The following ITSN1 variants were observed in gnomAD, a reference collection of about 807,000 sequenced individuals.
ITSN1 encodes intersectin-1.
ITSN1 carries 58 observed loss-of-function variants against 239.8 expected under a neutral mutation model. The ratio of observed to expected loss-of-function variants is 0.24; its 90% CI spans 0.20 to 0.30. The LOEUF is 0.30. Ranked by LOEUF, ITSN1 falls within the 10% of genes least tolerant of loss-of-function variation. ITSN1 has a pLI of 1.00. For synonymous variants in ITSN1, 780 were observed against 770.8 expected (o/e 1.01, Z -0.20); for missense variants, 1,558 against 2,103.3 (o/e 0.74, Z 5.07).
chr21:33,834,552 G>C (rs1346033516), intron 28 of ITSN1, 128 bp downstream of exon 28: 1 of 687,954 alleles, frequency 1.5e-6, no homozygotes, highest in Non-Finnish European at 2.6e-6. Flanking sequence ...GTACTTGCTG[G>C]GACTGACACC....
chr21:33,772,541 GCTC>G (rs1016198651), intron 12 of ITSN1, among the ~76,000 whole-genome samples: 6 of 151,960 alleles, frequency 3.9e-5, no homozygotes, highest in African/African-American at 1.2e-4. Flanking sequence ...TCTCCCTCCA[GCTC>G]CTATCATTAA....
At chr21:33,810,951 T>G (rs1414740450) in intron 20 of ITSN1, 24 bp from the exon 21 acceptor site, 1 of 1,614,210 alleles carries the variant, frequency 6.2e-7, no homozygotes, top group Non-Finnish European at 8.5e-7. Flanking sequence ...TTAGTTCTAC[T>G]TAAAGCTGTG....
At chr21:33,735,946 A>G (rs1161662596) in intron 5 of ITSN1, among the ~76,000 whole-genome samples, 5 of 152,312 alleles carry the variant, frequency 3.3e-5, no homozygotes, top group African/African-American at 1.2e-4. Flanking sequence ...CAGTGAGCCA[A>G]AATTGTGCCA....
At chr21:33,876,094 TTTCTTTCC>T (rs1221025139) in intron 34 of ITSN1, among the ~76,000 whole-genome samples, 7 of 92,552 alleles carry the variant, frequency 7.6e-5, no homozygotes, top group East Asian at 5.4e-4. Context: ...TTCCTCTTTC[TTTCTTTCC>T]TTCTTTCTTT....
At chr21:33,885,639 TC>T in intron 38 of ITSN1, 117 bp downstream of exon 38, 1 of 781,680 alleles carries the variant, frequency 1.3e-6, no homozygotes, top group Non-Finnish European at 2.2e-6. Context: ...CTGATCTCCT[TC>T]CAGAATTGGT....
chr21:33,678,349 G>T (rs772685945), intron 1 of ITSN1, among the ~76,000 whole-genome samples: 13 of 152,140 alleles, frequency 8.5e-5, no homozygotes, highest in Non-Finnish European at 1.6e-4. Context: ...TTAAAGTGGG[G>T]TTCTGTATGT....
intron 1 of ITSN1, among the ~76,000 whole-genome samples, chr21:33,646,176 A>AAGC (rs1183470552): frequency 6.6e-6 from 1 of 152,210 alleles, no homozygotes; most frequent in Non-Finnish European, 1.5e-5. Flanking sequence ...TAGGAGCCAC[A>AAGC]AGCACTATAC....
In ITSN1 at chr21:33,721,197, C is replaced by T; in HGVS notation, c.48C>T (p.Ala16=). ...TPFGGSLDIW[A]ITVEERAKHD... is the part of the protein sequence containing the mutation. ...TTTTAGGCAGCCTGGATATCTGGGCCATAACTGTAGAGGAAAGAGCGAAGC... is the reference window on the plus strand; with the variant it reads ...TTTTAGGCAGCCTGGATATCTGGGCTATAACTGTAGAGGAAAGAGCGAAGC... The change falls in exon 3 of 40, where the codon GCC becomes GCT. Residue 16 remains alanine, a synonymous_variant. Transcript: ENST00000381318. 1.9e-6 allele frequency: 3 copies of T among 1,613,098 alleles called. No homozygotes were observed. Among genetic ancestry groups the T allele is most frequent in the Non-Finnish European group, 2.5e-6 (3 of 1,179,134 alleles).
intron 16 of ITSN1, among the ~76,000 whole-genome samples, chr21:33,787,694 G>GA (rs1046025947): frequency 2.2e-4 from 34 of 152,178 alleles, no homozygotes; most frequent in African/African-American, 7.9e-4. Context: ...AGAAGTCAGG[G>GA]AAAAAAATGC....
chr21:33,858,686 A>G lies in ITSN1; in HGVS notation c.3784A>G (p.Ile1262Val), dbSNP rs1979856981. ...ACTGCTTCGTTTTCTGCATCTGTAG[A>G]TTTTTCAAAAACCCCTGATGGAGTC... ...YVNDLQLVTE[I>V]FQKPLMESEL... Residue 1262 changes from isoleucine to valine, a missense_variant and splice_region_variant, in exon 31 of 40, where the codon ATT (isoleucine) becomes GTT (valine). Physicochemically the swap from Ile to Val is conservative, Grantham distance 29. This residue lies in a region of ITSN1 where 576 missense variants were observed against 893.3 expected (regional missense o/e 0.64). Coordinates refer to ENST00000381318, the MANE Select transcript of ITSN1 (RefSeq NM_003024.3). 2 of 1,606,872 alleles carry G rather than the reference A, an allele frequency of 1.2e-6. No individual in the cohort carries two copies. The highest frequency in any genetic ancestry group is 1.1e-5 in the South Asian group (1 of 90,596).
intron 9 of ITSN1, among the ~76,000 whole-genome samples, chr21:33,763,129 A>G (rs1345091528): frequency 6.6e-6 from 1 of 150,550 alleles, no homozygotes; most frequent in Non-Finnish European, 1.5e-5. Flanking sequence ...GTATTTTGCA[A>G]TACTTGAGTT....
intron 1 of ITSN1, among the ~76,000 whole-genome samples, chr21:33,693,325 G>T (rs781123996): frequency 2.7e-5 from 4 of 150,798 alleles, no homozygotes; most frequent in Non-Finnish European, 3.0e-5. Flanking sequence ...CCTTCTTGCT[G>T]TTTTTTGTTT....
At chr21:33,702,878 G>A (rs752778536) in intron 1 of ITSN1, among the ~76,000 whole-genome samples, 2 of 152,148 alleles carry the variant, frequency 1.3e-5, no homozygotes, top group Non-Finnish European at 2.9e-5. Flanking sequence ...AGGAGTTCAG[G>A]ACCAGCCTGG....
At chr21:33,752,752 C>CT (rs1225384497) in intron 7 of ITSN1, among the ~76,000 whole-genome samples, 1 of 150,882 alleles carries the variant, frequency 6.6e-6, no homozygotes, top group Non-Finnish European at 1.5e-5. Flanking sequence ...GGGAGGATGG[C>CT]TGGAGCCAGG....
At chr21:33,702,905 C>T (rs913551679) in intron 1 of ITSN1, among the ~76,000 whole-genome samples, 8 of 152,112 alleles carry the variant, frequency 5.3e-5, no homozygotes, top group African/African-American at 1.7e-4. Context: ...TGGTGAAACC[C>T]TGTCTCTACC....
At chr21:33,703,914 G>A (rs529400189) in intron 1 of ITSN1, among the ~76,000 whole-genome samples, 4 of 152,152 alleles carry the variant, frequency 2.6e-5, no homozygotes, top group Non-Finnish European at 5.9e-5. Context: ...TAGCCCTGAG[G>A]TGCTGCCTCT....
intron 13 of ITSN1, 40 bp from the exon 14 acceptor site, chr21:33,774,928 A>G (rs1490025128): frequency 1.1e-5 from 17 of 1,603,212 alleles, no homozygotes; most frequent in Admixed American, 3.4e-5. Context: ...TGGAACCATT[A>G]AAAACAGTAA....
At chr21:33,881,406 CAAA>C (rs1207634551) in intron 34 of ITSN1, among the ~76,000 whole-genome samples, 6 of 75,022 alleles carry the variant, frequency 8.0e-5, no homozygotes, top group African/African-American at 9.1e-5. Context: ...GACTCTGTCT[CAAA>C]AAAAAAAAAA....
chr21:33,714,308 G>A (rs1249694105), intron 1 of ITSN1, among the ~76,000 whole-genome samples: 1 of 152,112 alleles, frequency 6.6e-6, no homozygotes, highest in African/African-American at 2.4e-5. Flanking sequence ...GAGAGAGAAC[G>A]TGGAGTCCCT....
Sources: allele counts gnomAD v4.1 joint callset (sites outside exome capture counted in the v4.1 genomes callset), GRCh38; gene constraint gnomAD v4.1.1; regional missense constraint gnomAD v4.1.1; transcripts MANE v1.5; gene names NCBI Gene and HGNC (gene_info 2026-07-23, HGNC 2026-07-21).